The following TRAPPC9 variants were observed in gnomAD, a reference collection of about 807,000 sequenced individuals.
TRAPPC9 encodes the protein trafficking protein particle complex subunit 9.
TRAPPC9 carries 83 observed loss-of-function variants against 124.0 expected under a neutral mutation model. That is an observed-to-expected ratio of 0.67 (90% CI 0.56 to 0.80). TRAPPC9 has a LOEUF of 0.80. Among genes scored for constraint, TRAPPC9 ranks in the 30% least tolerant of loss-of-function variants. TRAPPC9 has a pLI of 0.00. For missense variants in TRAPPC9, 1,302 were observed against 1,508.3 expected (o/e 0.86, Z 2.27); for synonymous variants, 638 against 617.5 (o/e 1.03, Z -0.49).
chr8:140,230,247 G>A (rs1000041109), intron 16 of TRAPPC9, among the ~76,000 whole-genome samples: 1 of 152,174 alleles, frequency 6.6e-6, no homozygotes, highest in Non-Finnish European at 1.5e-5. Context: ...CACTTTTAAA[G>A]CACTGGACAG....
At chr8:140,398,725 T>A (rs2069165556) in intron 6 of TRAPPC9, among the ~76,000 whole-genome samples, 1 of 152,196 alleles carries the variant, frequency 6.6e-6, no homozygotes, top group South Asian at 2.1e-4. Flanking sequence ...CATAAAAGTT[T>A]GAAAAATTTG....
intron 7 of TRAPPC9, among the ~76,000 whole-genome samples, chr8:140,376,051 TA>T (rs2068428375): frequency 6.6e-6 from 1 of 152,210 alleles, no homozygotes. Context: ...GTTAAAAACA[TA>T]ACCTACTTTC....
intron 21 of TRAPPC9, among the ~76,000 whole-genome samples, chr8:139,784,608 C>CATACATATAT (rs1554643612): frequency 1.6e-4 from 14 of 88,656 alleles, no homozygotes; most frequent in African/African-American, 5.6e-4. Flanking sequence ...AAAAGACTGA[C>CATACATATAT]ATATATATAT....
intron 19 of TRAPPC9, among the ~76,000 whole-genome samples, chr8:139,945,590 A>G (rs79791469): frequency 0.011 from 1,616 of 150,874 alleles, 39 homozygotes; most frequent in African/African-American, 0.038. Flanking sequence ...AAAAACAGTC[A>G]GTAAAGACAT....
rs1355777660 is a variant in TRAPPC9, at chr8:140,258,901, TA to T, written c.2279-5973del. On this transcript the variant is annotated intron_variant, in intron 15 of 22. Transcript: ENST00000438773. The stretch of plus-strand genomic sequence containing the variant: ...GGCCAACCTCCCCGTGAACCGCCAA[TA>T]CAGCTGAGATACTGAGGCCCTGTAA... Among the ~76,000 whole-genome samples the T allele has an allele frequency of 2.0e-5, 3 of 152,296 alleles. No homozygotes were observed. In the East Asian group the frequency reaches 5.8e-4, roughly 29 times the overall value.
chr8:140,307,104 G>A (rs2131859052), intron 10 of TRAPPC9, among the ~76,000 whole-genome samples: 1 of 152,314 alleles, frequency 6.6e-6, no homozygotes, highest in East Asian at 1.9e-4. Flanking sequence ...GCAGTGAAAA[G>A]CAAAAGGACA....
chr8:139,758,074 T>C (rs535794207), intron 21 of TRAPPC9, among the ~76,000 whole-genome samples: 3 of 152,308 alleles, frequency 2.0e-5, no homozygotes, highest in East Asian at 3.9e-4. Flanking sequence ...AATTAGAAGA[T>C]GAATTAAAAA....
In TRAPPC9 at chr8:140,257,060, A is replaced by C. The variant is rs1306483902; in HGVS notation, c.2279-4131T>G. ...CTCCCTCTGTGCCAGGCACTGTCTG[A>C]AGTTCATATGCTAAGGCCAGAGGAG... On this transcript the variant is annotated intron_variant, in intron 15 of 22. Coordinates refer to ENST00000438773, the MANE Select transcript of TRAPPC9 (RefSeq NM_001160372.4). The surrounding 1 kb of genome is among the most constrained non-coding windows in gnomAD (Gnocchi z 4.6). Among the ~76,000 whole-genome samples the C allele has an allele frequency of 6.6e-6, 1 of 152,180 alleles. No individual in the cohort carries two copies. The highest frequency in any genetic ancestry group is 2.4e-5 in the African/African-American group (1 of 41,442).
upstream of TRAPPC9, chr8:140,458,552 C>T (rs1177726873): frequency 1.9e-6 from 3 of 1,578,200 alleles, no homozygotes; most frequent in South Asian, 3.5e-5. Flanking sequence ...TCTTGATCCC[C>T]AGCTGGCACC....
chr8:140,020,747 A>G (rs781147802), intron 18 of TRAPPC9, among the ~76,000 whole-genome samples: 3 of 152,236 alleles, frequency 2.0e-5, no homozygotes, highest in Non-Finnish European at 2.9e-5. Context: ...TGAGAGATAA[A>G]TGTTGACGTT....
intron 9 of TRAPPC9, among the ~76,000 whole-genome samples, 169 bp downstream of exon 9, chr8:140,359,881 T>G (rs1307298707): frequency 1.3e-5 from 2 of 151,348 alleles, no homozygotes; most frequent in Non-Finnish European, 2.9e-5. Flanking sequence ...GAGAAGTGAG[T>G]GTGGAAGGAG....
intron 9 of TRAPPC9, among the ~76,000 whole-genome samples, chr8:140,331,555 T>C (rs2066894158): frequency 6.6e-6 from 1 of 151,864 alleles, no homozygotes; most frequent in Non-Finnish European, 1.5e-5. Context: ...GAGAAAATAT[T>C]TGCAAACTAT....
At chr8:139,915,419 G>C (rs1201985378) in intron 19 of TRAPPC9, among the ~76,000 whole-genome samples, 1 of 152,066 alleles carries the variant, frequency 6.6e-6, no homozygotes. Flanking sequence ...GCTAATTTTT[G>C]TATTTTTAGT....
chr8:139,751,886 C>T (rs1343596864), intron 21 of TRAPPC9, among the ~76,000 whole-genome samples: 2 of 151,874 alleles, frequency 1.3e-5, no homozygotes, highest in African/African-American at 4.8e-5. Context: ...ACCCATCCAT[C>T]CATCCATCCA....
chr8:140,381,850 G>C (rs942855953), intron 7 of TRAPPC9, among the ~76,000 whole-genome samples: 1 of 152,130 alleles, frequency 6.6e-6, no homozygotes, highest in African/African-American at 2.4e-5. Context: ...TTCAGACATT[G>C]CTGGTAGAAA....
chr8:140,288,768 G>T (rs774876171), intron 12 of TRAPPC9, among the ~76,000 whole-genome samples: 9 of 152,126 alleles, frequency 5.9e-5, no homozygotes, highest in Non-Finnish European at 1.2e-4. Flanking sequence ...ATTAACAAGC[G>T]ATCAAAACCG....
At chr8:140,456,253 CA>C (rs369374502) in intron 1 of TRAPPC9, among the ~76,000 whole-genome samples, 23 of 151,640 alleles carry the variant, frequency 1.5e-4, no homozygotes, top group Middle Eastern at 6.8e-3. Flanking sequence ...ACTAAAAATA[CA>C]AAAAAAATGT....
At chr8:140,176,418 C>T (rs1293543535) in intron 17 of TRAPPC9, among the ~76,000 whole-genome samples, 3 of 152,218 alleles carry the variant, frequency 2.0e-5, no homozygotes. Context: ...CAGAATCACA[C>T]AGTCTGCATT....
chr8:139,891,013 C>T (rs910163426), intron 20 of TRAPPC9, among the ~76,000 whole-genome samples: 11 of 152,122 alleles, frequency 7.2e-5, no homozygotes, highest in Admixed American at 2.0e-4. Context: ...ACCCTGTCCA[C>T]GGCCAAATGC....
Sources: gnomAD v4.1 joint callset for allele counts (sites outside exome capture counted in the v4.1 genomes callset) on GRCh38, gnomAD v4.1.1 for gene constraint, Gnocchi (gnomAD v3.1) non-coding constraint, MANE v1.5 for transcripts, NCBI Gene and HGNC (gene_info 2026-07-23, HGNC 2026-07-21) for gene names.